The following FOXP1 variants were observed in gnomAD, a reference collection of about 807,000 sequenced individuals.
FOXP1 encodes the protein forkhead box P1.
FOXP1 carries 15 observed loss-of-function variants against 98.2 expected under a neutral mutation model. The observed-to-expected ratio is 0.15, with a 90% CI of 0.10 to 0.24. The LOEUF is 0.24. Ranked by LOEUF, FOXP1 falls within the 10% of genes least tolerant of loss-of-function variation. The pLI, the probability that FOXP1 is intolerant of heterozygous loss-of-function variation, is 1.00. For missense variants in FOXP1, 633 were observed against 848.5 expected, an observed-to-expected ratio of 0.75 and a Z score of 3.15; for synonymous variants, 371 against 314.5, an observed-to-expected ratio of 1.18 and a Z score of -1.90.
chr3:71,489,627 G>C (rs2090919471), intron 3 of FOXP1, among the ~76,000 whole-genome samples: 1 of 152,208 alleles, frequency 6.6e-6, no homozygotes, highest in African/African-American at 2.4e-5. Flanking sequence ...GTCAACTAAA[G>C]CTTCACACCA....
chr3:70,992,264 G>T (rs1304932732), intron 13 of FOXP1, among the ~76,000 whole-genome samples: 1 of 152,202 alleles, frequency 6.6e-6, no homozygotes, highest in Non-Finnish European at 1.5e-5. Context: ...AACAGTGGCT[G>T]TATACGTTTC....
chr3:71,271,192 T>C (rs1157708927), intron 5 of FOXP1, among the ~76,000 whole-genome samples: 1 of 152,182 alleles, frequency 6.6e-6, no homozygotes, highest in African/African-American at 2.4e-5. Context: ...ATAATGCCAC[T>C]GCACTCCAGT....
chr3:71,558,634 A>G (rs1043350311), intron 2 of FOXP1, among the ~76,000 whole-genome samples: 4 of 151,538 alleles, frequency 2.6e-5, no homozygotes, highest in African/African-American at 9.7e-5. Context: ...AGCTGGGACC[A>G]CAGGCATGGG....
intron 4 of FOXP1, among the ~76,000 whole-genome samples, chr3:71,320,136 C>T (rs1157149711): frequency 6.6e-6 from 1 of 152,116 alleles, no homozygotes; most frequent in Non-Finnish European, 1.5e-5. Flanking sequence ...AATTCCCAGA[C>T]AGCTTCCCCA....
intron 6 of FOXP1, among the ~76,000 whole-genome samples, chr3:71,128,729 T>C (rs2059386750): frequency 6.6e-6 from 1 of 152,118 alleles, no homozygotes; most frequent in African/African-American, 2.4e-5. Flanking sequence ...AGGCAGACAT[T>C]CCTAAGTGAA....
At chr3:71,497,494 C>T (rs939584059) in intron 2 of FOXP1, among the ~76,000 whole-genome samples, 4 of 152,194 alleles carry the variant, frequency 2.6e-5, no homozygotes, top group Admixed American at 2.6e-4. Context: ...CCCCAGCTCA[C>T]GGTATTTACA....
intron 1 of FOXP1, chr3:71,582,039 T>C (rs2048217439): frequency 1.0e-6 from 1 of 976,084 alleles, no homozygotes; most frequent in Non-Finnish European, 1.2e-6. Context: ...ACTGTTTATT[T>C]AGTCCTTATT....
At chr3:71,263,974 C>T (rs1334555494) in intron 5 of FOXP1, among the ~76,000 whole-genome samples, 1 of 151,438 alleles carries the variant, frequency 6.6e-6, no homozygotes, top group African/African-American at 2.4e-5. Context: ...TGGTCTCGAA[C>T]TCTTGGCTTC....
In FOXP1 at chr3:71,315,079, T is replaced by TA. The variant is rs11355298; in HGVS notation, c.-72-15200dup. Among the ~76,000 whole-genome samples the TA allele has an allele frequency of 5.8e-3, 407 of 70,580 alleles. 11 individuals are homozygous for TA. Among genetic ancestry groups the TA allele is most frequent in the African/African-American group, 0.016 (259 of 16,326 alleles). The allele number at this position is 70,580 out of a possible 152,430, so 46.3% of individuals were successfully genotyped here. On this transcript the variant is annotated intron_variant, in intron 4 of 20. Coordinates refer to ENST00000649528, the MANE Select transcript of FOXP1 (RefSeq NM_001349338.3). Reference sequence around the variant, plus strand: ...TGAACTAATCCACACCTGGTCCATGTAAAAAAAAAAAAAAAAAAAAAAAAA... The same window carrying TA: ...TGAACTAATCCACACCTGGTCCATGTAAAAAAAAAAAAAAAAAAAAAAAAAA...
At chr3:71,519,936 G>A (rs1410463142) in intron 2 of FOXP1, among the ~76,000 whole-genome samples, 1 of 152,234 alleles carries the variant, frequency 6.6e-6, no homozygotes, top group African/African-American at 2.4e-5. Flanking sequence ...TGTTAAGTGA[G>A]GCAAACACAT....
intron 6 of FOXP1, chr3:71,131,000 G>A (rs1341240256): frequency 3.5e-6 from 3 of 857,852 alleles, no homozygotes; most frequent in Non-Finnish European, 4.2e-6. Context: ...CGGGAAACCT[G>A]CTCTTGAGAT....
At chr3:71,481,504 C>G (rs1577749891) in intron 3 of FOXP1, among the ~76,000 whole-genome samples, 1 of 152,208 alleles carries the variant, frequency 6.6e-6, no homozygotes, top group East Asian at 1.9e-4. Flanking sequence ...GCTTTCAGCA[C>G]AAGCCTATCT....
intron 4 of FOXP1, among the ~76,000 whole-genome samples, chr3:71,345,127 C>T (rs111293272): frequency 5.9e-5 from 9 of 151,916 alleles, no homozygotes; most frequent in Non-Finnish European, 8.8e-5. Context: ...TGGTGGCTCA[C>T]GCCTGTAATC....
intron 11 of FOXP1, among the ~76,000 whole-genome samples, chr3:71,027,251 A>T (rs1004464374): frequency 6.6e-6 from 1 of 152,156 alleles, no homozygotes; most frequent in Admixed American, 6.5e-5. Flanking sequence ...ACCCAAAAAA[A>T]CCAACGACCG....
intron 4 of FOXP1, among the ~76,000 whole-genome samples, chr3:71,341,345 C>T (rs778779441): frequency 2.0e-5 from 3 of 152,094 alleles, no homozygotes; most frequent in Non-Finnish European, 4.4e-5. Context: ...CTATACACTC[C>T]TATATAACCA....
chr3:71,437,902 G>A (rs957770137), intron 3 of FOXP1, among the ~76,000 whole-genome samples: 1 of 152,164 alleles, frequency 6.6e-6, no homozygotes, highest in Non-Finnish European at 1.5e-5. Flanking sequence ...TCCAGGAGGT[G>A]AAGAAAAGCT....
intron 5 of FOXP1, among the ~76,000 whole-genome samples, chr3:71,275,886 C>G (rs1433596577): frequency 6.6e-6 from 1 of 152,094 alleles, no homozygotes; most frequent in Non-Finnish European, 1.5e-5. Flanking sequence ...CCTTTCCTAC[C>G]TTTAACATAT....
At chr3:71,095,169 C>T (rs942945443) in intron 7 of FOXP1, among the ~76,000 whole-genome samples, 2 of 152,210 alleles carry the variant, frequency 1.3e-5, no homozygotes, top group African/African-American at 4.8e-5. Context: ...TCTAAATTTT[C>T]TTTGAAATGT....
At chr3:71,578,501 C>T (rs553652019) in intron 2 of FOXP1, among the ~76,000 whole-genome samples, 1 of 152,276 alleles carries the variant, frequency 6.6e-6, no homozygotes, top group Non-Finnish European at 1.5e-5. Flanking sequence ...AATATACATA[C>T]TTTTTGAGAT....
Sources: allele counts gnomAD v4.1 joint callset (sites outside exome capture counted in the v4.1 genomes callset), GRCh38; gene constraint gnomAD v4.1.1; transcripts MANE v1.5; gene names NCBI Gene and HGNC (gene_info 2026-07-23, HGNC 2026-07-21).